DNAH11: variants seen among roughly 807,000 people sequenced by gnomAD.
DNAH11 encodes dynein axonemal heavy chain 11.
Under a neutral mutation model 526.0 loss-of-function variants are expected in DNAH11, and 442 were observed. The observed-to-expected ratio is 0.84, with a 90% CI of 0.78 to 0.91. DNAH11 has a LOEUF of 0.91. Among genes scored for constraint, DNAH11 ranks in the 40% least tolerant of loss-of-function variants. DNAH11 has a pLI of 0.00. For synonymous variants in DNAH11, 2,461 were observed against 1,935.9 expected, an observed-to-expected ratio of 1.27 and a Z score of -7.12; for missense variants, 6,989 against 5,448.7, an observed-to-expected ratio of 1.28 and a Z score of -8.90.
At chr7:21,749,575 G>A in intron 52 of DNAH11, 103 bp from the exon 53 acceptor site, 3 of 1,491,910 alleles carry the variant, frequency 2.0e-6, no homozygotes, top group Non-Finnish European at 2.7e-6. Flanking sequence ...ACCCCACAGT[G>A]CTATGGCGAT....
Position 21,545,294 on chromosome 7 carries a change from AAAGC to A in DNAH11, c.495+146_495+149del, listed in dbSNP as rs1782766249. On this transcript the variant is annotated intron_variant, in intron 2 of 81. Transcript: ENST00000409508. ...GTGGTTAAAAAAAAAAAAAAAAAAA[AAAGC>A]TTGTAGAAGCCAGGAGTCTCTAGCC... 5.3e-6 allele frequency: 4 copies of A among 761,676 alleles called. No individual in the cohort carries two copies. In the African/African-American group the frequency reaches 7.6e-5, roughly 14 times the overall value. The allele number at this position is 761,676 out of a possible 1,614,324, so 47.2% of individuals were successfully genotyped here. A position where few individuals can be genotyped will look rare whatever the true frequency, so the allele number is the denominator to read the frequency against.
At chr7:21,691,598 G>T in intron 35 of DNAH11, among the ~76,000 whole-genome samples, 1 of 152,108 alleles carries the variant, frequency 6.6e-6, no homozygotes, top group East Asian at 1.9e-4. Flanking sequence ...TCACCATCCA[G>T]AAATAATGAT....
intron 66 of DNAH11, among the ~76,000 whole-genome samples, chr7:21,848,669 C>T (rs1583768900): frequency 1.3e-5 from 2 of 151,968 alleles, no homozygotes; most frequent in Non-Finnish European, 2.9e-5. Flanking sequence ...TATATTACAA[C>T]ATGATGTATG....
Position 21,589,288 on chromosome 7 carries a change from G to T in DNAH11, c.2054G>T (p.Arg685Leu). 1.2e-6 allele frequency: 2 copies of T among 1,609,592 alleles called. No individual in the cohort carries two copies. Among genetic ancestry groups the T allele is most frequent in the Non-Finnish European group, 1.7e-6 (2 of 1,178,370 alleles). ...MTTLLDQFES[R>L]IYNEWKSNVD... ...ACTTTGCTTGATCAATTTGAAAGTC[G>T]TATCTATAATGAATGGAAAAGTAAT... Residue 685 changes from arginine (R) to leucine (L), a missense_variant, in exon 12 of 82, where the codon CGT (arginine) becomes CTT (leucine). Physicochemically the swap from Arg to Leu is moderately radical, Grantham distance 102. Coordinates refer to ENST00000409508, the MANE Select transcript of DNAH11 (RefSeq NM_001277115.2).
At chr7:21,851,905 T>G (rs977175080) in intron 66 of DNAH11, among the ~76,000 whole-genome samples, 1 of 152,204 alleles carries the variant, frequency 6.6e-6, no homozygotes, top group African/African-American at 2.4e-5. Context: ...TGATGTTTTC[T>G]TAAACAGATT....
chr7:21,762,181 G>A (rs192396293), intron 54 of DNAH11, among the ~76,000 whole-genome samples: 3 of 152,242 alleles, frequency 2.0e-5, no homozygotes, highest in Non-Finnish European at 2.9e-5. Flanking sequence ...ATTTCAACTC[G>A]AGATGAGATT....
rs369261194 is a variant in DNAH11, at chr7:21,842,589, T to G, written c.10737T>G (p.Phe3579Leu). ...AAGAATGTGAATTTAACAAGAACTT[T>G]CGCCTTATCCTTCACACAAAATTGG... The part of the protein sequence containing the change: ...GDKECEFNKN[F>L]RLILHTKLAN... Residue 3579 changes from phenylalanine (F) to leucine (L), a missense_variant, in exon 66 of 82, where the codon TTT becomes TTG. Coordinates refer to ENST00000409508, the MANE Select transcript of DNAH11 (RefSeq NM_001277115.2). 36 of 1,613,824 alleles carry G rather than the reference T, an allele frequency of 2.2e-5. No individual in the cohort carries two copies. Among genetic ancestry groups the G allele is most frequent in the Non-Finnish European group, 3.0e-5 (35 of 1,179,882 alleles).
rs114977151 is a variant in DNAH11 at position 21,716,403 on chromosome 7, A to G, written c.6984-1372A>G. Among the ~76,000 whole-genome samples the G allele has an allele frequency of 5.2e-3, 795 of 152,296 alleles. 7 individuals carry two copies. The highest frequency in any genetic ancestry group is 0.018 in the African/African-American group (750 of 41,558). ...CATGCAAACTTACATAATCCTCACAACCACCCCAGGAGGTTCATATTATTA... is the reference window on the plus strand; with the variant it reads ...CATGCAAACTTACATAATCCTCACAGCCACCCCAGGAGGTTCATATTATTA... On this transcript the variant is annotated intron_variant, in intron 42 of 81. Coordinates refer to ENST00000409508, the MANE Select transcript of DNAH11 (RefSeq NM_001277115.2).
At chr7:21,622,215 C>T (rs1786096164) in intron 25 of DNAH11, among the ~76,000 whole-genome samples, 1 of 152,166 alleles carries the variant, frequency 6.6e-6, no homozygotes, top group South Asian at 2.1e-4. Context: ...AACTCCCATT[C>T]ACAATTGCTT....
At position 21,854,335 on chromosome 7, in the gene DNAH11, T is replaced by C. The variant is rs1490821419; in HGVS notation, c.11082T>C (p.Asn3694=). 3 of 1,613,520 alleles carry C rather than the reference T, an allele frequency of 1.9e-6. No homozygotes were observed. Among genetic ancestry groups the C allele is most frequent in the Non-Finnish European group, 2.5e-6 (3 of 1,179,774 alleles). ...CATAGGTGATTGAAGCCAAAGAAAA[T>C]GAAAGAAAAATCAACGAGGCCCGAG... ...IEHKVIEAKE[N]ERKINEAREC... The change falls in exon 68 of 82, where the codon AAT becomes AAC. Residue 3694 remains asparagine, a synonymous_variant. Transcript: ENST00000409508.
At chr7:21,641,695 T>A (rs1233949714) in intron 28 of DNAH11, among the ~76,000 whole-genome samples, 1 of 152,226 alleles carries the variant, frequency 6.6e-6, no homozygotes, top group Non-Finnish European at 1.5e-5. Flanking sequence ...ATGTGCTTTT[T>A]ACATCCTTTA....
In DNAH11 at chr7:21,681,598, GAGAC is replaced by G. The variant is rs747937956; in HGVS notation, c.5389_5392del (p.Gln1797ArgfsTer3). ...CTTTTGCTGGGAGAACTTCCACCTG[GAGAC>G]AGACAGAAGATCATGACAATTTGTA... is the stretch of plus-strand genomic sequence containing the variant. On this transcript the variant is annotated frameshift_variant, in exon 31 of 82. Transcript: ENST00000409508. LOFTEE classifies it high-confidence loss of function. The G allele has an allele frequency of 6.2e-7, 1 of 1,613,768 alleles. No homozygotes were observed. The highest frequency in any genetic ancestry group is 8.5e-7 in the Non-Finnish European group (1 of 1,179,770).
chr7:21,571,675 ATATT>A (rs1401977882), intron 7 of DNAH11, 127 bp from the exon 8 acceptor site: 7 of 654,354 alleles, frequency 1.1e-5, no homozygotes, highest in African/African-American at 3.7e-5. Flanking sequence ...TGTCATGAAA[ATATT>A]TATTTTCTGT....
chr7:21,543,857 C>T, intron 1 of DNAH11: 1 of 516,870 alleles, frequency 1.9e-6, no homozygotes, highest in Non-Finnish European at 3.4e-6. Context: ...CCAGGATAAC[C>T]CAAGAACACC....
intron 75 of DNAH11, among the ~76,000 whole-genome samples, chr7:21,882,886 C>A (rs138130021): frequency 6.6e-6 from 1 of 151,906 alleles, no homozygotes; most frequent in East Asian, 1.9e-4. Flanking sequence ...AAGAACAGAT[C>A]CCTAGTTAAA....
chr7:21,784,023 G>A (rs1788069075), intron 57 of DNAH11, among the ~76,000 whole-genome samples: 2 of 152,144 alleles, frequency 1.3e-5, no homozygotes, highest in Non-Finnish European at 2.9e-5. Flanking sequence ...AAAAATTAGA[G>A]AATCCTAGGA....
chr7:21,759,828 G>A (rs1786817769), intron 54 of DNAH11, among the ~76,000 whole-genome samples: 1 of 152,134 alleles, frequency 6.6e-6, no homozygotes, highest in Non-Finnish European at 1.5e-5. Flanking sequence ...CAAAGCACAG[G>A]GAAAAGTGGA....
intron 30 of DNAH11, among the ~76,000 whole-genome samples, chr7:21,675,202 G>C (rs1782824453): frequency 6.6e-6 from 1 of 152,050 alleles, no homozygotes; most frequent in Admixed American, 6.5e-5. Flanking sequence ...AACTGAGCTG[G>C]GCAAGCCCTG....
chr7:21,555,745 A>G (rs570463335), intron 2 of DNAH11, among the ~76,000 whole-genome samples: 1 of 152,258 alleles, frequency 6.6e-6, no homozygotes, highest in South Asian at 2.1e-4. Flanking sequence ...TGCCTCCTGA[A>G]TAAGTCTTGG....
Sources: allele counts gnomAD v4.1 joint callset (sites outside exome capture counted in the v4.1 genomes callset), GRCh38; gene constraint gnomAD v4.1.1; transcripts MANE v1.5; gene names NCBI Gene and HGNC (gene_info 2026-07-23, HGNC 2026-07-21).